NME7: variants seen among roughly 807,000 people sequenced by gnomAD.
NME7 encodes the protein nucleoside diphosphate kinase 7.
A neutral mutation model predicts 49.1 loss-of-function variants in NME7; 41 were observed. The ratio of observed to expected loss-of-function variants is 0.83; its 90% CI spans 0.65 to 1.08. The LOEUF is 1.08. Ranked by LOEUF, NME7 falls within the 50% of genes least tolerant of loss-of-function variation. The pLI is 0.00. For synonymous variants in NME7, 139 were observed against 150.6 expected, an observed-to-expected ratio of 0.92 and a Z score of 0.56; for missense variants, 423 against 463.4, an observed-to-expected ratio of 0.91 and a Z score of 0.80.
At chr1:169,178,448 T>C (rs1227185032) in intron 10 of NME7, among the ~76,000 whole-genome samples, 1 of 152,112 alleles carries the variant, frequency 6.6e-6, no homozygotes, top group Admixed American at 6.6e-5. Context: ...GTCACTGCCA[T>C]GGTAGTAGCA....
intron 3 of NME7, among the ~76,000 whole-genome samples, chr1:169,311,085 A>T (rs546628243): frequency 5.5e-4 from 84 of 152,136 alleles, no homozygotes; most frequent in African/African-American, 2.0e-3. Flanking sequence ...TTCATTTTGG[A>T]TTTTTTTCAC....
rs1290488592 is a variant in NME7, at chr1:169,268,427, T to C, written c.754+18876A>G. Among the ~76,000 whole-genome samples, 23 of 133,672 alleles carry C rather than the reference T, an allele frequency of 1.7e-4. 6 individuals are homozygous for C. The highest frequency in any genetic ancestry group is 2.1e-4 in the Non-Finnish European group (12 of 56,834). The allele number at this position is 133,672 out of a possible 152,430, so 87.7% of individuals were successfully genotyped here. On this transcript the variant is annotated intron_variant, in intron 7 of 11. Transcript: ENST00000367811. ...CCATAAATACCATTTGACACAGCAA[T>C]CCCATTACTGGGTACATACCCAGAG... is the stretch of plus-strand genomic sequence containing the variant.
At chr1:169,292,734 G>T (rs1185329084) in intron 6 of NME7, among the ~76,000 whole-genome samples, 1 of 152,096 alleles carries the variant, frequency 6.6e-6, no homozygotes, top group Non-Finnish European at 1.5e-5. Flanking sequence ...AATATTTTTA[G>T]ACAACTTGTT....
chr1:169,242,205 C>A (rs148492699), intron 7 of NME7, among the ~76,000 whole-genome samples: 1 of 151,842 alleles, frequency 6.6e-6, no homozygotes, highest in Non-Finnish European at 1.5e-5. Context: ...GACCAAGAGA[C>A]GTTAATTTCA....
intron 7 of NME7, among the ~76,000 whole-genome samples, chr1:169,282,583 T>G (rs971162411): frequency 6.6e-6 from 1 of 152,194 alleles, no homozygotes; most frequent in Admixed American, 6.5e-5. Flanking sequence ...CTTGTGGGCA[T>G]TTAGAGCTAT....
rs141066057 is a variant in NME7 at position 169,269,744 on chromosome 1, A to G, written c.754+17559T>C. Among the ~76,000 whole-genome samples the G allele has an allele frequency of 2.5e-3, 339 of 134,102 alleles. 38 individuals carry two copies. Among genetic ancestry groups the G allele is most frequent in the African/African-American group, 8.0e-3 (319 of 39,704 alleles). The allele number at this position is 134,102 out of a possible 152,430, so 88.0% of individuals were successfully genotyped here. ...CATTTTAATTCTTATACCAGAGCCA[A>G]TTCTGATGCTAAATTTACAAATTGG... is the stretch of plus-strand genomic sequence containing the variant. On this transcript the variant is annotated intron_variant, in intron 7 of 11. Transcript: ENST00000367811.
chr1:169,272,919 TA>T (rs1649540900), intron 7 of NME7, among the ~76,000 whole-genome samples: 1 of 133,650 alleles, frequency 7.5e-6, no homozygotes, highest in African/African-American at 2.5e-5. Context: ...AGTAACAGTG[TA>T]AAAGTGTTCC....
intron 7 of NME7, among the ~76,000 whole-genome samples, chr1:169,249,503 G>A (rs1488371172): frequency 6.6e-6 from 1 of 152,064 alleles, no homozygotes; most frequent in African/African-American, 2.4e-5. Context: ...CTCTGGTTAG[G>A]ACTTCCAGCA....
At chr1:169,313,709 A>C (rs2101924921) in intron 3 of NME7, among the ~76,000 whole-genome samples, 1 of 152,244 alleles carries the variant, frequency 6.6e-6, no homozygotes, top group South Asian at 2.1e-4. Context: ...GGCCAACATG[A>C]GGGAAAACCA....
intron 1 of NME7, 88 bp from the exon 2 acceptor site, chr1:169,324,588 G>C (rs3213587): frequency 0.073 from 56,319 of 769,798 alleles, 10,061 homozygotes; most frequent in East Asian, 0.67. Context: ...TTACCAATAT[G>C]CAAGAAACAA....
chr1:169,189,896 T>G (rs1318941718), intron 10 of NME7, among the ~76,000 whole-genome samples: 1 of 152,180 alleles, frequency 6.6e-6, no homozygotes, highest in Non-Finnish European at 1.5e-5. Context: ...TATGAACTCC[T>G]CAGGTTAATT....
intron 1 of NME7, among the ~76,000 whole-genome samples, chr1:169,353,703 G>GA (rs796817739): frequency 1.1e-4 from 16 of 151,532 alleles, no homozygotes; most frequent in African/African-American, 2.9e-4. Flanking sequence ...AACTCTACAG[G>GA]AAAAAAAATC....
intron 7 of NME7, among the ~76,000 whole-genome samples, chr1:169,249,802 C>T (rs1016911483): frequency 2.0e-5 from 3 of 152,004 alleles, no homozygotes; most frequent in East Asian, 3.9e-4. Flanking sequence ...ATATTTTAAA[C>T]CATCCCTGCA....
At chr1:169,366,129 G>T (rs1653842982) in intron 1 of NME7, among the ~76,000 whole-genome samples, 1 of 152,174 alleles carries the variant, frequency 6.6e-6, no homozygotes, top group South Asian at 2.1e-4. Context: ...CAAGGAAAAT[G>T]TCTAGACTAA....
chr1:169,224,139 C>T (rs1365959032), intron 10 of NME7, among the ~76,000 whole-genome samples: 1 of 152,208 alleles, frequency 6.6e-6, no homozygotes, highest in African/African-American at 2.4e-5. Context: ...CACCTGGATG[C>T]CTTGGTCATG....
Position 169,225,398 on chromosome 1 carries a change from C to G in NME7, c.990+5320G>C, listed in dbSNP as rs565586464. Among the ~76,000 whole-genome samples the G allele has an allele frequency of 8.9e-4, 135 of 152,248 alleles. 1 individual carries two copies. Among genetic ancestry groups the G allele is most frequent in the African/African-American group, 3.2e-3 (132 of 41,542 alleles). Reference sequence around the variant, plus strand: ...TGCTGGGATAACAGGTGGAACCACCCTGCTCGGTCCAGTTTGACGTTAGTG... The same window carrying G: ...TGCTGGGATAACAGGTGGAACCACCGTGCTCGGTCCAGTTTGACGTTAGTG... On this transcript the variant is annotated intron_variant, in intron 10 of 11. Coordinates refer to ENST00000367811, the MANE Select transcript of NME7 (RefSeq NM_013330.5).
chr1:169,215,549 T>G (rs1660951822), intron 10 of NME7, among the ~76,000 whole-genome samples: 1 of 151,768 alleles, frequency 6.6e-6, no homozygotes, highest in Non-Finnish European at 1.5e-5. Context: ...TAAAGAGAAG[T>G]GACAGGTACT....
At chr1:169,353,428 C>T (rs964867080) in intron 1 of NME7, among the ~76,000 whole-genome samples, 1 of 151,884 alleles carries the variant, frequency 6.6e-6, no homozygotes, top group South Asian at 2.1e-4. Context: ...AAATTTAATA[C>T]CTCTAACTAT....
chr1:169,156,108 A>G (rs1010855381), intron 11 of NME7, among the ~76,000 whole-genome samples: 11 of 150,354 alleles, frequency 7.3e-5, no homozygotes, highest in African/African-American at 2.7e-4. Flanking sequence ...GCTTGAGCCC[A>G]GGAGTTCTAG....
Sources: allele counts gnomAD v4.1 joint callset (sites outside exome capture counted in the v4.1 genomes callset), GRCh38; gene constraint gnomAD v4.1.1; transcripts MANE v1.5; gene names NCBI Gene and HGNC (gene_info 2026-07-23, HGNC 2026-07-21).